The following TASP1 variants were observed in gnomAD, a reference collection of about 807,000 sequenced individuals.
The protein encoded by TASP1 is threonine aspartase 1.
In TASP1, 16 loss-of-function variants were observed where a neutral mutation model predicts 56.6. The observed-to-expected ratio is 0.28, with a 90% CI of 0.19 to 0.43. The LOEUF (loss-of-function observed/expected upper bound fraction) is 0.43. Ranked by LOEUF, TASP1 falls within the 20% of genes least tolerant of loss-of-function variation. The probability of loss-of-function intolerance (pLI) is 1.00; values close to 1 mark genes in which losing one functional copy is unlikely to be tolerated. For synonymous variants in TASP1, 179 were observed against 184.2 expected (o/e 0.97, Z 0.23); for missense variants, 393 against 511.6 (o/e 0.77, Z 2.24).
intron 4 of TASP1, among the ~76,000 whole-genome samples, chr20:13,598,361 G>C (rs888938938): frequency 6.6e-6 from 1 of 152,040 alleles, no homozygotes; most frequent in Non-Finnish European, 1.5e-5. Context: ...CAGAACAGAG[G>C]CCTCAGAAAT....
intron 7 of TASP1, among the ~76,000 whole-genome samples, chr20:13,562,974 ATGTG>A (rs757445654): frequency 1.7e-4 from 22 of 131,192 alleles, no homozygotes; most frequent in South Asian, 5.8e-4. Context: ...GTGCGTATGT[ATGTG>A]TGTGTATATA....
At chr20:13,220,589 C>T in the TASP1 span, among the ~76,000 whole-genome samples, 1 of 152,224 alleles carries the variant, frequency 6.6e-6, no homozygotes, top group African/African-American at 2.4e-5. Flanking sequence ...GTCTCTGCAG[C>T]TTCCAGCCAA....
At chr20:13,586,704 A>G (rs2047317665) in intron 5 of TASP1, among the ~76,000 whole-genome samples, 1 of 152,206 alleles carries the variant, frequency 6.6e-6, no homozygotes, top group African/African-American at 2.4e-5. Context: ...TGAATTATAA[A>G]ACATGAGACA....
chr20:13,117,622 G>A, the TASP1 span: 1 of 1,614,100 alleles, frequency 6.2e-7, no homozygotes, highest in Non-Finnish European at 8.5e-7. Context: ...ACCGGCCGGG[G>A]TGTCACGGAG....
At chr20:13,555,660 G>A (rs2046132961) in intron 8 of TASP1, among the ~76,000 whole-genome samples, 2 of 152,018 alleles carry the variant, frequency 1.3e-5, no homozygotes, top group Non-Finnish European at 2.9e-5. Context: ...CATGAGGCTT[G>A]GAATCCATTT....
intron 11 of TASP1, among the ~76,000 whole-genome samples, chr20:13,443,424 T>C (rs1016391216): frequency 1.3e-5 from 2 of 152,152 alleles, no homozygotes; most frequent in Non-Finnish European, 1.5e-5. Flanking sequence ...TTAAATTCCA[T>C]TAACATATGT....
At chr20:13,547,821 T>C (rs189758800) in intron 8 of TASP1, among the ~76,000 whole-genome samples, 4 of 152,280 alleles carry the variant, frequency 2.6e-5, no homozygotes, top group East Asian at 1.9e-4. Context: ...AGTGCATGTA[T>C]TCATTAAATG....
At chr20:13,407,449 T>C (rs749235472) in intron 13 of TASP1, among the ~76,000 whole-genome samples, 2 of 152,264 alleles carry the variant, frequency 1.3e-5, no homozygotes, top group Non-Finnish European at 1.5e-5. Flanking sequence ...TGTATGAATA[T>C]TTCACATTTT....
the TASP1 span, among the ~76,000 whole-genome samples, chr20:13,250,753 G>A: frequency 6.6e-6 from 1 of 152,164 alleles, no homozygotes; most frequent in Admixed American, 6.5e-5. Context: ...TTGGCTCTCA[G>A]TAATTACATA....
intron 5 of TASP1, among the ~76,000 whole-genome samples, chr20:13,583,639 A>G (rs2047201703): frequency 6.6e-6 from 1 of 152,200 alleles, no homozygotes; most frequent in Non-Finnish European, 1.5e-5. Flanking sequence ...CATAGACCTC[A>G]TGAGCGTATT....
At chr20:13,194,835 C>T in the TASP1 span, among the ~76,000 whole-genome samples, 2 of 152,208 alleles carry the variant, frequency 1.3e-5, no homozygotes, top group African/African-American at 4.8e-5. Context: ...GAATCAATCA[C>T]TGTGACAATA....
chr20:13,452,231 G>C (rs997448072), intron 11 of TASP1, among the ~76,000 whole-genome samples: 2 of 151,944 alleles, frequency 1.3e-5, no homozygotes, highest in African/African-American at 4.8e-5. Context: ...TGGAAAAATG[G>C]CATCAACAGA....
At chr20:13,183,853 C>T in the TASP1 span, among the ~76,000 whole-genome samples, 5 of 151,800 alleles carry the variant, frequency 3.3e-5, no homozygotes, top group East Asian at 3.9e-4. Context: ...CATGGTGAAA[C>T]GCTGTCTCTA....
chr20:13,411,639 T>C (rs1218769197), intron 13 of TASP1, among the ~76,000 whole-genome samples: 2 of 152,192 alleles, frequency 1.3e-5, no homozygotes, highest in African/African-American at 2.4e-5. Flanking sequence ...GTATCCTGGA[T>C]CAGGAATTTC....
chr20:13,342,556 C>A, the TASP1 span, among the ~76,000 whole-genome samples: 3 of 152,182 alleles, frequency 2.0e-5, no homozygotes, highest in Non-Finnish European at 2.9e-5. Context: ...GCACAAGGCA[C>A]AGGCATGACC....
At chr20:13,143,417 T>C in the TASP1 span, among the ~76,000 whole-genome samples, 3 of 152,266 alleles carry the variant, frequency 2.0e-5, no homozygotes, top group Non-Finnish European at 4.4e-5. Flanking sequence ...TATTTAATCC[T>C]CATAACAGTA....
chr20:13,342,897 A>C, the TASP1 span, among the ~76,000 whole-genome samples: 1 of 152,126 alleles, frequency 6.6e-6, no homozygotes, highest in Non-Finnish European at 1.5e-5. Flanking sequence ...CCAAAAACCC[A>C]CTGTGGGCCA....
chr20:13,222,110 C>G, the TASP1 span, among the ~76,000 whole-genome samples: 5 of 152,180 alleles, frequency 3.3e-5, no homozygotes, highest in African/African-American at 4.8e-5. Context: ...GAGGCTGCAC[C>G]CGGCTTCCAG....
intron 7 of TASP1, among the ~76,000 whole-genome samples, chr20:13,560,716 G>T (rs1402042988): frequency 6.6e-6 from 1 of 152,012 alleles, no homozygotes; most frequent in Non-Finnish European, 1.5e-5. Context: ...TGGTCTCATG[G>T]GGCCCTTGCA....
Sources: allele counts gnomAD v4.1 joint callset (sites outside exome capture counted in the v4.1 genomes callset), GRCh38; gene constraint gnomAD v4.1.1; transcripts MANE v1.5; gene names NCBI Gene and HGNC (gene_info 2026-07-23, HGNC 2026-07-21).